KATNIP: variants seen among roughly 807,000 people sequenced by gnomAD.
KATNIP encodes the protein katanin-interacting protein.
Under a neutral mutation model 174.0 loss-of-function variants are expected in KATNIP, and 126 were observed. The ratio of observed to expected loss-of-function variants is 0.72; its 90% confidence interval spans 0.63 to 0.84. The LOEUF (loss-of-function observed/expected upper bound fraction) is 0.84, where lower values mean the gene tolerates loss of function less well. Among genes scored for constraint, KATNIP ranks in the 40% least tolerant of loss-of-function variants. The pLI, the probability that KATNIP is intolerant of heterozygous loss-of-function variation, is 0.00. For synonymous variants in KATNIP, 810 were observed against 835.7 expected (o/e 0.97, Z 0.53); for missense variants, 1,958 against 2,109.7 (o/e 0.93, Z 1.41).
intron 17 of KATNIP, among the ~76,000 whole-genome samples, chr16:27,753,495 G>A (rs1350526216): frequency 6.6e-6 from 1 of 152,186 alleles, no homozygotes; most frequent in African/African-American, 2.4e-5. Context: ...CACTTATGGT[G>A]CAAAGAGACA....
intron 6 of KATNIP, among the ~76,000 whole-genome samples, chr16:27,670,817 C>T (rs1005287042): frequency 2.0e-5 from 3 of 152,054 alleles, no homozygotes; most frequent in Non-Finnish European, 2.9e-5. Flanking sequence ...AAATTGGATG[C>T]CTGCTAATAC....
intron 2 of KATNIP, among the ~76,000 whole-genome samples, chr16:27,614,838 A>T (rs189178734): frequency 2.6e-5 from 4 of 152,296 alleles, no homozygotes; most frequent in Admixed American, 2.6e-4. Flanking sequence ...ATGGAAGCAG[A>T]TGGCAACAAT....
At chr16:27,643,590 C>CAAAAAAAAA (rs562253355) in intron 5 of KATNIP, among the ~76,000 whole-genome samples, 1 of 40,486 alleles carries the variant, frequency 2.5e-5, no homozygotes, top group Non-Finnish European at 4.0e-5. Flanking sequence ...GACTCTGTCT[C>CAAAAAAAAA]AAAAAAAAAA....
At chr16:27,770,176 C>T (rs531963086) in intron 21 of KATNIP, among the ~76,000 whole-genome samples, 158 bp downstream of exon 21, 7 of 152,238 alleles carry the variant, frequency 4.6e-5, no homozygotes, top group Non-Finnish European at 8.8e-5. Flanking sequence ...CAAGCCTCAC[C>T]GGAAGCCTGT....
At chr16:27,629,171 A>C (rs1260146146) in intron 4 of KATNIP, among the ~76,000 whole-genome samples, 1 of 151,478 alleles carries the variant, frequency 6.6e-6, no homozygotes, top group African/African-American at 2.4e-5. Context: ...CTGTCAAAAA[A>C]AAAAAAAAAA....
chr16:27,713,667 A>G (rs2079706670), intron 13 of KATNIP, among the ~76,000 whole-genome samples: 1 of 149,058 alleles, frequency 6.7e-6, no homozygotes. Flanking sequence ...ATATACACAT[A>G]CATATTATAT....
intron 13 of KATNIP, chr16:27,718,710 C>T (rs997295894): frequency 2.0e-5 from 3 of 150,334 alleles, no homozygotes; most frequent in Admixed American, 1.3e-4. Context: ...GAATGAGACT[C>T]ACCCGCTGGA....
chr16:27,751,809 A>T lies in KATNIP; in HGVS notation c.3437A>T (p.Asp1146Val), dbSNP rs1468584478. ...IFYSDEMFDL[D>V]VGSLDSLQDE... ...TATTCTGATGAGATGTTTGACCTGG[A>T]TGTGGGGAGCCTGGACAGCCTGCAG... The change falls in exon 17 of 28, where the codon GAT becomes GTT. Residue 1146 changes from aspartate to valine, a missense_variant. Transcript: ENST00000261588. The T allele has an allele frequency of 1.2e-6, 2 of 1,614,060 alleles. No homozygotes were observed. Among genetic ancestry groups the T allele is most frequent in the Admixed American group, 1.7e-5 (1 of 60,008 alleles).
rs78074383 is a variant in KATNIP at position 27,651,879 on chromosome 16, C to T, written c.540+3144C>T. ...AGATTACAGGCGCCAACCAGTACGC[C>T]CCACTAATTTTTGTATTTTTAGTAG... is the stretch of plus-strand genomic sequence containing the variant. On this transcript the variant is annotated intron_variant, in intron 6 of 27. Transcript: ENST00000261588. Among the ~76,000 whole-genome samples, 384 of 152,266 alleles carry T rather than the reference C, an allele frequency of 2.5e-3. 2 individuals carry two copies. Among genetic ancestry groups the T allele is most frequent in the African/African-American group, 8.8e-3 (365 of 41,532 alleles).
intron 6 of KATNIP, among the ~76,000 whole-genome samples, chr16:27,663,156 T>C: frequency 7.2e-6 from 1 of 138,574 alleles, no homozygotes; most frequent in African/African-American, 2.7e-5. Flanking sequence ...CTTCTTCTTT[T>C]TTTTTTTTTT....
intron 1 of KATNIP, among the ~76,000 whole-genome samples, chr16:27,562,743 G>A (rs546975894): frequency 2.0e-5 from 3 of 152,290 alleles, no homozygotes; most frequent in South Asian, 4.1e-4. Flanking sequence ...CCTGGGAAGC[G>A]TGTTGTCACA....
At chr16:27,660,584 G>A (rs1261898933) in intron 6 of KATNIP, among the ~76,000 whole-genome samples, 6 of 150,846 alleles carry the variant, frequency 4.0e-5, no homozygotes, top group East Asian at 1.9e-4. Flanking sequence ...CAAATCCATC[G>A]ATGGGAGTAG....
chr16:27,689,671 G>A (rs2078646234), intron 8 of KATNIP, among the ~76,000 whole-genome samples: 1 of 152,182 alleles, frequency 6.6e-6, no homozygotes, highest in South Asian at 2.1e-4. Context: ...AACAAGCCAG[G>A]TCTGTCGGCT....
chr16:27,734,015 G>A (rs1264769615), intron 14 of KATNIP, among the ~76,000 whole-genome samples: 1 of 152,190 alleles, frequency 6.6e-6, no homozygotes, highest in East Asian at 1.9e-4. Context: ...ACCACCCAGT[G>A]GAGGTGGAGG....
intron 12 of KATNIP, among the ~76,000 whole-genome samples, chr16:27,704,368 C>CAATA (rs2079218015): frequency 6.6e-6 from 1 of 152,194 alleles, no homozygotes; most frequent in African/African-American, 2.4e-5. Context: ...CTAGTGCTAG[C>CAATA]AAGGTTACAA....
At chr16:27,657,839 G>A (rs1476365736) in intron 6 of KATNIP, among the ~76,000 whole-genome samples, 2 of 152,158 alleles carry the variant, frequency 1.3e-5, no homozygotes, top group African/African-American at 4.8e-5. Context: ...GATCCCGGGA[G>A]TCGGAGGTTG....
chr16:27,600,636 T>C (rs1358408335), intron 2 of KATNIP, among the ~76,000 whole-genome samples: 1 of 151,708 alleles, frequency 6.6e-6, no homozygotes, highest in Non-Finnish European at 1.5e-5. Context: ...TACAATTCGG[T>C]GTCTTGTTTT....
chr16:27,699,428 T>C, intron 9 of KATNIP, 106 bp from the exon 10 acceptor site: 1 of 1,524,174 alleles, frequency 6.6e-7, no homozygotes, highest in East Asian at 2.4e-5. Context: ...ATATCTATGG[T>C]AGCTTGAGAA....
chr16:27,602,417 C>A (rs961005240), intron 2 of KATNIP, among the ~76,000 whole-genome samples: 3 of 152,184 alleles, frequency 2.0e-5, no homozygotes, highest in Admixed American at 6.5e-5. Context: ...TCTGTTCCAG[C>A]CACACTGGCC....
Sources: allele counts gnomAD v4.1 joint callset (sites outside exome capture counted in the v4.1 genomes callset), GRCh38; gene constraint gnomAD v4.1.1; transcripts MANE v1.5; gene names NCBI Gene and HGNC (gene_info 2026-07-23, HGNC 2026-07-21).